PHEX: variants seen among roughly 807,000 people sequenced by gnomAD.
PHEX encodes phosphate-regulating neutral endopeptidase PHEX.
PHEX carries 16 observed loss-of-function variants against 68.0 expected under a neutral mutation model. The observed-to-expected ratio is 0.24, with a 90% CI of 0.16 to 0.36. PHEX has a LOEUF of 0.36. Among genes scored for constraint, PHEX ranks in the 10% least tolerant of loss-of-function variants. The pLI is 1.00. For synonymous variants in PHEX, 208 were observed against 205.1 expected, an observed-to-expected ratio of 1.01 and a Z score of -0.12; for missense variants, 480 against 575.5, an observed-to-expected ratio of 0.83 and a Z score of 1.70.
intron 12 of PHEX, among the ~76,000 whole-genome samples, chrX:22,150,144 A>T (rs1932827995): frequency 1.0e-5 from 1 of 95,486 alleles, no homozygotes; most frequent in African/African-American, 6.3e-5. Flanking sequence ...TTAAAAAAAT[A>T]AAAAAAATAA....
chrX:22,191,905 A>G (rs1934210583), intron 15 of PHEX, among the ~76,000 whole-genome samples: 1 of 112,635 alleles, frequency 8.9e-6, no homozygotes, highest in African/African-American at 3.2e-5. Context: ...ACATGGATGA[A>G]TTTCACAAGT....
At chrX:22,185,627 C>T (rs757220126) in intron 14 of PHEX, among the ~76,000 whole-genome samples, 2 of 111,665 alleles carry the variant, frequency 1.8e-5, no homozygotes, top group African/African-American at 6.5e-5. Context: ...GCCAACTTTT[C>T]AGCATTCCAT....
intron 20 of PHEX, among the ~76,000 whole-genome samples, chrX:22,243,575 C>T: frequency 8.9e-6 from 1 of 111,803 alleles, no homozygotes; most frequent in East Asian, 2.8e-4. Flanking sequence ...AGGACTTACA[C>T]AAATTTACAA....
chrX:22,056,717 G>T (rs1390986039), intron 3 of PHEX, among the ~76,000 whole-genome samples: 1 of 107,813 alleles, frequency 9.3e-6, no homozygotes, highest in African/African-American at 3.4e-5. Context: ...AGCCGAAATC[G>T]CTCCACTGCA....
At chrX:22,075,770 A>G (rs1429336575) in intron 3 of PHEX, among the ~76,000 whole-genome samples, 1 of 111,299 alleles carries the variant, frequency 9.0e-6, no homozygotes, top group African/African-American at 3.3e-5. Context: ...GTACACACGG[A>G]CTCTCTTAGA....
At chrX:22,091,056 A>G (rs1340802821) in intron 6 of PHEX, among the ~76,000 whole-genome samples, 1 of 112,169 alleles carries the variant, frequency 8.9e-6, no homozygotes, top group African/African-American at 3.2e-5. Flanking sequence ...TTAGAAATCT[A>G]GCAGTCTCCT....
intron 13 of PHEX, 115 bp from the exon 14 acceptor site, chrX:22,178,158 A>T (rs1569419855): frequency 2.2e-6 from 1 of 444,664 alleles, no homozygotes; most frequent in Non-Finnish European, 4.1e-6. Flanking sequence ...CAGCTGAGAG[A>T]GGCTGTGACT....
At chrX:22,122,855 G>A (rs1210591534) in intron 11 of PHEX, among the ~76,000 whole-genome samples, 1 of 111,079 alleles carries the variant, frequency 9.0e-6, no homozygotes, top group East Asian at 2.8e-4. Flanking sequence ...GTTCAAGCAA[G>A]CAAGTAGAAA....
intron 11 of PHEX, among the ~76,000 whole-genome samples, chrX:22,130,981 A>G (rs1349968726): frequency 9.0e-6 from 1 of 111,543 alleles, no homozygotes; most frequent in Non-Finnish European, 1.9e-5. Flanking sequence ...CAATGATACT[A>G]GCATCCCGAT....
chrX:22,243,046 G>A (rs1936276841), intron 20 of PHEX, among the ~76,000 whole-genome samples: 1 of 112,106 alleles, frequency 8.9e-6, no homozygotes, highest in Admixed American at 9.4e-5. Flanking sequence ...CAAGGCTGCG[G>A]TAACCAAAAC....
At chrX:22,203,538 A>G (rs1934621159) in intron 15 of PHEX, among the ~76,000 whole-genome samples, 1 of 111,411 alleles carries the variant, frequency 9.0e-6, no homozygotes, top group South Asian at 3.8e-4. Flanking sequence ...CAATGAAATC[A>G]TTTTACAGCA....
chrX:22,208,744 C>G (rs1365070335), intron 15 of PHEX, among the ~76,000 whole-genome samples: 1 of 111,946 alleles, frequency 8.9e-6, no homozygotes, highest in Non-Finnish European at 1.9e-5. Flanking sequence ...ATTTGAAAAC[C>G]ACTGGCAGGT....
intron 20 of PHEX, among the ~76,000 whole-genome samples, chrX:22,235,017 G>A (rs147486050): frequency 0.011 from 1,255 of 111,414 alleles, 10 homozygotes; most frequent in Non-Finnish European, 0.019. Context: ...TGGGGAAAGT[G>A]CAGTATCTGG....
intron 12 of PHEX, among the ~76,000 whole-genome samples, chrX:22,138,826 C>T (rs1262773350): frequency 1.8e-5 from 2 of 112,159 alleles, no homozygotes; most frequent in Admixed American, 9.4e-5. Context: ...CCAGGGCTCA[C>T]CAGGGACAGT....
intron 9 of PHEX, among the ~76,000 whole-genome samples, chrX:22,100,943 G>C (rs1337153255): frequency 9.0e-6 from 1 of 111,158 alleles, no homozygotes; most frequent in Admixed American, 9.6e-5. Context: ...AGGCTGAGGT[G>C]GGCAGATCAC....
chrX:22,058,231 A>G (rs1417427065), intron 3 of PHEX, among the ~76,000 whole-genome samples: 1 of 111,800 alleles, frequency 8.9e-6, no homozygotes, highest in East Asian at 2.8e-4. Flanking sequence ...CTGTGTGGCC[A>G]TGGGCAAACT....
intron 12 of PHEX, chrX:22,163,045 A>G (rs1366509004): frequency 1.8e-5 from 2 of 111,768 alleles, no homozygotes; most frequent in African/African-American, 6.5e-5. Flanking sequence ...GGAGGGGGGC[A>G]TGGGTTGCTC....
At chrX:22,103,815 A>G (rs767555655) in intron 9 of PHEX, among the ~76,000 whole-genome samples, 6 of 112,312 alleles carry the variant, frequency 5.3e-5, no homozygotes, top group Non-Finnish European at 9.4e-5. Flanking sequence ...TCCTCTGGGT[A>G]GATACCCAGT....
rs183604320 is a variant in PHEX at position 22,198,996 on chromosome X, A to C, written c.1645+8494A>C. 2.2e-3 allele frequency among the ~76,000 whole-genome samples: 247 copies of C among 111,244 alleles called. 3 individuals are homozygous for C. The highest frequency in any genetic ancestry group is 7.8e-3 in the African/African-American group (238 of 30,596). ...ATGCAGGGGAACTCCCATTTATAAAACCATCAGATCTCATGAGACTTATTC... is the reference window on the plus strand; with the variant it reads ...ATGCAGGGGAACTCCCATTTATAAACCCATCAGATCTCATGAGACTTATTC... On this transcript the variant is annotated intron_variant, in intron 15 of 21. Transcript: ENST00000379374.
Sources: gnomAD v4.1 joint callset for allele counts (sites outside exome capture counted in the v4.1 genomes callset) on GRCh38, gnomAD v4.1.1 for gene constraint, MANE v1.5 for transcripts, NCBI Gene and HGNC (gene_info 2026-07-23, HGNC 2026-07-21) for gene names.